Variants in RGS7 observed in about 807,000 individuals in gnomAD.
RGS7 encodes regulator of G protein signaling 7, also known as regulator of G-protein signaling 7.
In RGS7, 27 loss-of-function variants were observed where a neutral mutation model predicts 81.1. That is an observed-to-expected ratio of 0.33 (90% CI 0.25 to 0.46). The LOEUF (loss-of-function observed/expected upper bound fraction) is 0.46. Among genes scored for constraint, RGS7 ranks in the 20% least tolerant of loss-of-function variants. The pLI is 1.00. For missense variants in RGS7, 396 were observed against 607.4 expected (o/e 0.65, Z 3.66); for synonymous variants, 208 against 207.7 (o/e 1.00, Z -0.01).
At chr1:241,103,851 G>A (rs1021099953) in intron 2 of RGS7, among the ~76,000 whole-genome samples, 7 of 152,172 alleles carry the variant, frequency 4.6e-5, no homozygotes, top group Admixed American at 1.3e-4. Context: ...TCCAGCTTGC[G>A]CTACAGAATG....
chr1:240,949,740 C>T (rs1319514374), intron 4 of RGS7, among the ~76,000 whole-genome samples: 1 of 145,520 alleles, frequency 6.9e-6, no homozygotes, highest in African/African-American at 2.5e-5. Flanking sequence ...ACCAGCTGCT[C>T]GGGAGGCTGG....
At chr1:240,842,850 A>C (rs2147888322) in intron 9 of RGS7, among the ~76,000 whole-genome samples, 1 of 149,914 alleles carries the variant, frequency 6.7e-6, no homozygotes, top group Non-Finnish European at 1.5e-5. Flanking sequence ...TTTTTCTCAT[A>C]AGGGGTAACT....
In RGS7 at chr1:240,947,770, A is replaced by T. The variant is rs542556655; in HGVS notation, c.227-11064T>A. On this transcript the variant is annotated intron_variant, in intron 4 of 18. Coordinates refer to ENST00000440928, the MANE Select transcript of RGS7 (RefSeq NM_001364886.1). ...AGTCGCTCCTGTGCAAGCCCTCAAC[A>T]ATTTCCCCTATTTCTCAGGATCGAA... 1.3e-3 allele frequency among the ~76,000 whole-genome samples: 198 copies of T among 152,132 alleles called. 2 individuals carry two copies. Among genetic ancestry groups the T allele is most frequent in the Non-Finnish European group, 2.5e-3 (170 of 68,014 alleles).
intron 3 of RGS7, among the ~76,000 whole-genome samples, chr1:241,030,519 C>CACACACACAG (rs2060035759): frequency 6.6e-6 from 1 of 150,674 alleles, no homozygotes; most frequent in Non-Finnish European, 1.5e-5. Flanking sequence ...CACACACACA[C>CACACACACAG]ACACATCCTT....
chr1:241,026,950 T>C (rs2059817824), intron 3 of RGS7, among the ~76,000 whole-genome samples: 1 of 151,290 alleles, frequency 6.6e-6, no homozygotes, highest in South Asian at 2.1e-4. Flanking sequence ...GGAGAGGTAC[T>C]GAGGCTAGAA....
At chr1:240,861,326 T>C (rs1411647310) in intron 9 of RGS7, among the ~76,000 whole-genome samples, 3 of 152,152 alleles carry the variant, frequency 2.0e-5, no homozygotes, top group East Asian at 3.9e-4. Flanking sequence ...ACGTCTTTGT[T>C]GAATGCTTGG....
chr1:241,338,846 C>T (rs2082381336), intron 2 of RGS7, among the ~76,000 whole-genome samples: 1 of 151,976 alleles, frequency 6.6e-6, no homozygotes, highest in South Asian at 2.1e-4. Flanking sequence ...ATCATCATCA[C>T]TGATTCCTTA....
At chr1:240,978,161 T>G (rs1424049819) in intron 4 of RGS7, among the ~76,000 whole-genome samples, 1 of 152,176 alleles carries the variant, frequency 6.6e-6, no homozygotes, top group African/African-American at 2.4e-5. Context: ...CATTAAGTAA[T>G]CTAAGGAGAA....
At chr1:241,000,875 T>C (rs1245323896) in intron 3 of RGS7, among the ~76,000 whole-genome samples, 1 of 150,310 alleles carries the variant, frequency 6.7e-6, no homozygotes, top group Admixed American at 6.7e-5. Flanking sequence ...CAGGCTGGTC[T>C]CGAACTCCTG....
intron 2 of RGS7, chr1:241,305,544 T>TTTC: frequency 6.6e-6 from 1 of 151,194 alleles, no homozygotes; most frequent in Non-Finnish European, 1.5e-5. Context: ...TTTTTTTTTT[T>TTTC]CTGCAAAGGT....
intron 6 of RGS7, among the ~76,000 whole-genome samples, chr1:240,886,151 G>A (rs1490218547): frequency 6.6e-6 from 1 of 152,158 alleles, no homozygotes; most frequent in Non-Finnish European, 1.5e-5. Flanking sequence ...CCATGTAAAT[G>A]TTCATGTAAT....
At chr1:240,790,045 A>G (rs1270953839) in intron 18 of RGS7, among the ~76,000 whole-genome samples, 1 of 152,136 alleles carries the variant, frequency 6.6e-6, no homozygotes, top group Non-Finnish European at 1.5e-5. Flanking sequence ...GCTGACACTT[A>G]GGGAAAATAG....
At chr1:240,978,224 C>A (rs903351047) in intron 4 of RGS7, among the ~76,000 whole-genome samples, 5 of 152,092 alleles carry the variant, frequency 3.3e-5, no homozygotes, top group African/African-American at 1.2e-4. Context: ...GTCCTTCATG[C>A]CAGAGACAAA....
In RGS7 at chr1:240,933,174, G is replaced by A. The variant is rs191874297; in HGVS notation, c.334-2406C>T. On this transcript the variant is annotated intron_variant, in intron 5 of 18. Transcript: ENST00000440928. Reference sequence around the variant, plus strand: ...TGGGATTACAGGTGTGAGCCACCGCGCCCGGCCGGTGTTACTTTCTGAGAT... The same window carrying A: ...TGGGATTACAGGTGTGAGCCACCGCACCCGGCCGGTGTTACTTTCTGAGAT... 2.1e-3 allele frequency among the ~76,000 whole-genome samples: 313 copies of A among 151,814 alleles called. 1 individual carries two copies. Among genetic ancestry groups the A allele is most frequent in the African/African-American group, 5.4e-3 (223 of 41,442 alleles).
At chr1:241,190,032 G>A (rs1284916383) in intron 2 of RGS7, among the ~76,000 whole-genome samples, 3 of 152,116 alleles carry the variant, frequency 2.0e-5, no homozygotes, top group East Asian at 3.9e-4. Flanking sequence ...GAACCTGGGA[G>A]GCGGAGCTTG....
At chr1:240,880,045 T>C (rs1666107218) in intron 6 of RGS7, among the ~76,000 whole-genome samples, 1 of 152,150 alleles carries the variant, frequency 6.6e-6, no homozygotes, top group Non-Finnish European at 1.5e-5. Context: ...CCTATCTTAT[T>C]TTATTATTCT....
chr1:241,105,395 T>C (rs2500242), intron 2 of RGS7, among the ~76,000 whole-genome samples: 8,051 of 152,274 alleles, frequency 0.053, 693 homozygotes, highest in African/African-American at 0.18. Flanking sequence ...TCCTTTGGAA[T>C]AGTTTAGATG....
intron 2 of RGS7, among the ~76,000 whole-genome samples, chr1:241,327,597 G>A (rs1263362664): frequency 6.6e-6 from 1 of 152,158 alleles, no homozygotes; most frequent in Non-Finnish European, 1.5e-5. Context: ...ATCTGTCTGA[G>A]AGCCTGTATC....
chr1:241,195,150 T>A (rs1041562007), intron 2 of RGS7, among the ~76,000 whole-genome samples: 4 of 152,220 alleles, frequency 2.6e-5, no homozygotes, highest in African/African-American at 9.6e-5. Context: ...CTAAAATGTA[T>A]GACACTCAAT....
Sources: gnomAD v4.1 joint callset for allele counts (sites outside exome capture counted in the v4.1 genomes callset) on GRCh38, gnomAD v4.1.1 for gene constraint, MANE v1.5 for transcripts, NCBI Gene and HGNC (gene_info 2026-07-23, HGNC 2026-07-21) for gene names.